GRIK1: variants seen among roughly 807,000 people sequenced by gnomAD.
GRIK1 encodes glutamate receptor ionotropic, kainate 1.
Under a neutral mutation model 105.7 loss-of-function variants are expected in GRIK1, and 69 were observed. That is an observed-to-expected ratio of 0.65 (90% CI 0.54 to 0.80). GRIK1 has a LOEUF of 0.80. Among genes scored for constraint, GRIK1 ranks in the 30% least tolerant of loss-of-function variants. The pLI, the probability that GRIK1 is intolerant of heterozygous loss-of-function variation, is 0.00. For missense variants in GRIK1, 1,109 were observed against 1,167.3 expected (o/e 0.95, Z 0.73); for synonymous variants, 438 against 431.3 (o/e 1.02, Z -0.19).
chr21:29,654,612 GGAAA>G (rs201354371), intron 5 of GRIK1, among the ~76,000 whole-genome samples, 194 bp downstream of exon 5: 5,602 of 144,602 alleles, frequency 0.039, 348 homozygotes, highest in African/African-American at 0.14. Context: ...AAAGAAAGAA[GGAAA>G]GAAAGAAAGA....
At chr21:29,852,756 T>A (rs1434510799) in intron 1 of GRIK1, among the ~76,000 whole-genome samples, 1 of 152,220 alleles carries the variant, frequency 6.6e-6, no homozygotes, top group African/African-American at 2.4e-5. Context: ...TTTTCTTATG[T>A]CAGTTTGAGG....
At chr21:29,789,477 T>C (rs1293094843) in intron 1 of GRIK1, among the ~76,000 whole-genome samples, 1 of 152,218 alleles carries the variant, frequency 6.6e-6, no homozygotes, top group Admixed American at 6.5e-5. Context: ...CCTGTTTAAC[T>C]GTCCGATCAA....
intron 1 of GRIK1, among the ~76,000 whole-genome samples, chr21:29,929,234 G>A (rs1421878893): frequency 6.6e-6 from 1 of 152,190 alleles, no homozygotes; most frequent in Admixed American, 6.5e-5. Context: ...AGAACCACCG[G>A]AAGTGGAAGT....
chr21:29,819,801 G>T (rs913943782), intron 1 of GRIK1, among the ~76,000 whole-genome samples: 5 of 151,932 alleles, frequency 3.3e-5, no homozygotes, highest in Non-Finnish European at 5.9e-5. Flanking sequence ...AAGGTCAAGG[G>T]ATCAAGTTTC....
chr21:29,896,035 G>A (rs929044996), intron 1 of GRIK1, among the ~76,000 whole-genome samples: 1 of 152,112 alleles, frequency 6.6e-6, no homozygotes, highest in African/African-American at 2.4e-5. Context: ...CTACCTGCAT[G>A]GCTATCTCCC....
At chr21:29,560,367 TCCTTCCTTCC>T (rs2090397250) in intron 15 of GRIK1, among the ~76,000 whole-genome samples, 1 of 27,918 alleles carries the variant, frequency 3.6e-5, no homozygotes, top group African/African-American at 1.4e-4. Flanking sequence ...TTTTCTTTCT[TCCTTCCTTCC>T]TTCCTTCCTT....
At chr21:29,622,702 T>G (rs2062034292) in intron 7 of GRIK1, among the ~76,000 whole-genome samples, 1 of 152,222 alleles carries the variant, frequency 6.6e-6, no homozygotes, top group African/African-American at 2.4e-5. Context: ...GGCTAATATT[T>G]GATTTCTCCT....
At chr21:29,609,671 C>G (rs2061690553) in intron 7 of GRIK1, among the ~76,000 whole-genome samples, 1 of 151,932 alleles carries the variant, frequency 6.6e-6, no homozygotes, top group South Asian at 2.1e-4. Flanking sequence ...TTGAACTAGG[C>G]CATCTCATCT....
intron 1 of GRIK1, among the ~76,000 whole-genome samples, chr21:29,896,678 C>T (rs1452715174): frequency 1.3e-5 from 2 of 152,184 alleles, no homozygotes; most frequent in Non-Finnish European, 2.9e-5. Flanking sequence ...ACTGTATTCA[C>T]TATCTTATGA....
chr21:29,538,022 G>A (rs2089910277), intron 16 of GRIK1, 138 bp from the exon 17 acceptor site: 6 of 601,382 alleles, frequency 1.0e-5, no homozygotes, highest in South Asian at 2.2e-5. Context: ...CAAAAACGAT[G>A]GCATAATACA....
chr21:29,565,182 G>A (rs1336169728), intron 14 of GRIK1, among the ~76,000 whole-genome samples: 1 of 152,196 alleles, frequency 6.6e-6, no homozygotes, highest in African/African-American at 2.4e-5. Flanking sequence ...ATTCTCACTA[G>A]AGCACAGTAA....
chr21:29,832,897 T>C (rs2067683503), intron 1 of GRIK1, among the ~76,000 whole-genome samples: 1 of 152,224 alleles, frequency 6.6e-6, no homozygotes, highest in South Asian at 2.1e-4. Context: ...TTTCCACTTT[T>C]ATACTCTGCT....
chr21:29,694,117 A>AT (rs11434895), intron 1 of GRIK1, 54 bp from the exon 2 acceptor site: 117,087 of 425,144 alleles, frequency 0.28, 12,216 homozygotes, highest in Non-Finnish European at 0.32. Flanking sequence ...TTCACATGTA[A>AT]TTTTTTTTTT....
intron 7 of GRIK1, among the ~76,000 whole-genome samples, chr21:29,601,738 T>C (rs950511632): frequency 1.3e-5 from 2 of 152,256 alleles, no homozygotes; most frequent in Non-Finnish European, 2.9e-5. Flanking sequence ...TGTTTTCACA[T>C]GTGATTTTGT....
chr21:29,704,457 T>A (rs1461585018), intron 1 of GRIK1, among the ~76,000 whole-genome samples: 1 of 152,228 alleles, frequency 6.6e-6, no homozygotes, highest in Non-Finnish European at 1.5e-5. Flanking sequence ...AAAATAAGCC[T>A]ACATCCTGCT....
At chr21:29,569,987 C>T (rs1014654550) in intron 14 of GRIK1, among the ~76,000 whole-genome samples, 7 of 152,052 alleles carry the variant, frequency 4.6e-5, no homozygotes, top group Non-Finnish European at 1.0e-4. Flanking sequence ...AAGTTGTGTC[C>T]ATAGAGCTTG....
chr21:29,832,177 A>C (rs2067661016), intron 1 of GRIK1, among the ~76,000 whole-genome samples: 1 of 152,164 alleles, frequency 6.6e-6, no homozygotes, highest in Non-Finnish European at 1.5e-5. Context: ...GGCCTTGGGC[A>C]TCTCCACCCC....
At chr21:29,881,121 A>G (rs1010346937) in intron 1 of GRIK1, among the ~76,000 whole-genome samples, 3 of 152,166 alleles carry the variant, frequency 2.0e-5, no homozygotes, top group South Asian at 2.1e-4. Context: ...TAATCAATAC[A>G]TGTTTGTAGA....
At chr21:29,620,010 A>G (rs1445980958) in intron 7 of GRIK1, among the ~76,000 whole-genome samples, 1 of 152,212 alleles carries the variant, frequency 6.6e-6, no homozygotes, top group East Asian at 1.9e-4. Context: ...CTCCTGAGAG[A>G]TTTCCATTAA....
Sources: allele counts gnomAD v4.1 joint callset (sites outside exome capture counted in the v4.1 genomes callset), GRCh38; gene constraint gnomAD v4.1.1; transcripts MANE v1.5; gene names NCBI Gene and HGNC (gene_info 2026-07-23, HGNC 2026-07-21).